The following FCSK variants were observed in gnomAD, a reference collection of about 807,000 sequenced individuals.
FCSK encodes the protein L-fucose kinase.
In FCSK, 123 loss-of-function variants were observed where a neutral mutation model predicts 122.5. The observed-to-expected ratio is 1.00, with a 90% CI of 0.87 to 1.17. FCSK has a LOEUF of 1.17. FCSK is among the 50% of genes most tolerant of loss of function. The pLI, the probability that FCSK is intolerant of heterozygous loss-of-function variation, is 0.00. For synonymous variants in FCSK, 620 were observed against 625.5 expected (o/e 0.99, Z 0.13); for missense variants, 1,366 against 1,450.4 (o/e 0.94, Z 0.95).
Position 70,474,533 on chromosome 16 carries a change from C to A in FCSK, c.1994C>A (p.Ala665Asp), listed in dbSNP as rs1398449593. 6.5e-7 allele frequency: 1 copy of A among 1,547,618 alleles called. No homozygotes were observed. The highest frequency in any genetic ancestry group is 1.4e-5 in the African/African-American group (1 of 73,224). The change falls in exon 17 of 24, where the codon GCC (alanine) becomes GAC (aspartate). Residue 665 changes from alanine to aspartate, a missense_variant. Physicochemically the swap from Ala to Asp is moderately radical, Grantham distance 126 (BLOSUM62 -2). Coordinates refer to ENST00000288078, the MANE Select transcript of FCSK (RefSeq NM_145059.3). ...QERDKWLSRP[A>D]LLVRAARHYE... Reference sequence around the variant, plus strand: ...CCTCCCCCTTCTCTTGGCAGGCCAGCCTTGCTGGTGCGAGCGGCCCGCCAC... The same window carrying A: ...CCTCCCCCTTCTCTTGGCAGGCCAGACTTGCTGGTGCGAGCGGCCCGCCAC...
At position 70,478,370 on chromosome 16, in the gene FCSK, A is replaced by G. The variant is rs2048881788; in HGVS notation, c.2740A>G (p.Thr914Ala). 6.2e-7 allele frequency: 1 copy of G among 1,614,100 alleles called. No homozygotes were observed. Among genetic ancestry groups the G allele is most frequent in the African/African-American group, 1.3e-5 (1 of 74,932 alleles). The stretch of plus-strand genomic sequence containing the variant: ...ACTGAAGGTGGAGGTAGAAGAGGTC[A>G]CGGTGCCTGAGGGCTTTGTCCAGAA... ...LPLKVEVEEV[T>A]VPEGFVQKLN... The change falls in exon 21 of 24, where the codon ACG becomes GCG. Residue 914 changes from threonine (T) to alanine (A), a missense_variant. By Grantham distance (58) the Thr-to-Ala change is moderately conservative. Coordinates refer to ENST00000288078, the MANE Select transcript of FCSK (RefSeq NM_145059.3).
chr16:70,474,120 G>T lies in FCSK; in HGVS notation c.1778-9G>T. 6.5e-7 allele frequency: 1 copy of T among 1,548,734 alleles called. No homozygotes were observed. Among genetic ancestry groups the T allele is most frequent in the East Asian group, 2.4e-5 (1 of 40,936 alleles). On this transcript the variant is annotated splice_polypyrimidine_tract_variant and intron_variant, in intron 15 of 23. Transcript: ENST00000288078. ...CCTCCCCTGCCACCCCCAACTCCTT[G>T]TCCCTCAGTTGCAGCTGGGGCAGGA...
chr16:70,456,691 G>C (rs771948422), intron 1 of FCSK, among the ~76,000 whole-genome samples: 2 of 152,166 alleles, frequency 1.3e-5, no homozygotes, highest in Non-Finnish European at 2.9e-5. Flanking sequence ...GATGTCTTTG[G>C]CCTTAAATTT....
intron 4 of FCSK, 115 bp downstream of exon 4, chr16:70,465,291 A>G: frequency 9.4e-7 from 1 of 1,062,916 alleles, no homozygotes; most frequent in Non-Finnish European, 1.3e-6. Flanking sequence ...AATCTGAAAG[A>G]TTCTAAATGT....
intron 23 of FCSK, 23 bp downstream of exon 23, chr16:70,479,426 TAA>T (rs1453677779): frequency 1.9e-6 from 3 of 1,596,404 alleles, no homozygotes; most frequent in East Asian, 2.2e-5. Context: ...CTGGGGTTGG[TAA>T]AGAGACCTCT....
rs1018603279 is a variant in FCSK, at chr16:70,466,827, G to C, written c.412-55G>C. 10 of 1,499,958 alleles carry C rather than the reference G, an allele frequency of 6.7e-6. No homozygotes were observed. In the African/African-American group the frequency reaches 9.6e-5, roughly 14 times the overall value. 92.9% of individuals were successfully genotyped at this position (1,499,958 alleles called of 1,614,324 possible). A position where few individuals can be genotyped will look rare whatever the true frequency, so the allele number is the denominator to read the frequency against. ...CACAGTATCCTTGGGCAAGGAGGGG[G>C]CAGGTGAAGGCCTGGGCCAGGCACC... On this transcript the variant is annotated intron_variant, in intron 5 of 23. Transcript: ENST00000288078.
chr16:70,465,024 C>A lies in FCSK; in HGVS notation c.235-102C>A, dbSNP rs1346265466. 2.6e-6 allele frequency: 4 copies of A among 1,565,556 alleles called. No homozygotes were observed. In the South Asian group the frequency reaches 4.6e-5, roughly 18 times the overall value. ...GACCTTGCCTTTTGTCCCTTGGGTA[C>A]CTGAGTGGATTTGTGTTGGAGTCTC... is the stretch of plus-strand genomic sequence containing the variant. On this transcript the variant is annotated intron_variant, in intron 3 of 23. Coordinates refer to ENST00000288078, the MANE Select transcript of FCSK (RefSeq NM_145059.3).
chr16:70,474,954 A>G lies in FCSK; in HGVS notation c.2320A>G (p.Lys774Glu), dbSNP rs773733415. 1 of 1,611,608 alleles carries G rather than the reference A, an allele frequency of 6.2e-7. No individual in the cohort carries two copies. The highest frequency in any genetic ancestry group is 8.5e-7 in the Non-Finnish European group (1 of 1,179,308). The change falls in exon 18 of 24, where the codon AAG (lysine) becomes GAG (glutamate). Residue 774 changes from lysine (K) to glutamate (E), a missense_variant. Transcript: ENST00000288078. The part of the protein sequence containing the change: ...VGPRQDEMTV[K>E]IVCRCLADLR... ...GCCTCGGCAGGATGAGATGACTGTG[A>G]AGATAGTGTGCCGGTGCCTGGCTGA...
chr16:70,469,463 C>A, intron 10 of FCSK, 140 bp downstream of exon 10: 1 of 696,342 alleles, frequency 1.4e-6, no homozygotes, highest in Non-Finnish European at 2.3e-6. Context: ...CAGAGCCCCC[C>A]ACTGAGCTAC....
chr16:70,471,243 C>A lies in FCSK; in HGVS notation c.1232C>A (p.Ala411Asp). The A allele has an allele frequency of 6.2e-7, 1 of 1,610,746 alleles. No individual in the cohort carries two copies. The change falls in exon 13 of 24, where the codon GCC becomes GAC. Residue 411 changes from alanine (A) to aspartate (D), a missense_variant. Coordinates refer to ENST00000288078, the MANE Select transcript of FCSK (RefSeq NM_145059.3). Reference protein sequence around the residue: ...VTGLDTAHSKALHGRELRDLV... With the variant: ...VTGLDTAHSKDLHGRELRDLV... ...GGCCTGGATACAGCCCACTCCAAGG[C>A]CCTGCATGGCCGGGAGCTGCGTGAC...
At chr16:70,461,319 G>T (rs1331144296) in intron 1 of FCSK, among the ~76,000 whole-genome samples, 2 of 152,126 alleles carry the variant, frequency 1.3e-5, no homozygotes, top group African/African-American at 4.8e-5. Flanking sequence ...GGAGGAAATG[G>T]GGGTGCTGCT....
At chr16:70,460,504 A>G (rs2048232915) in intron 1 of FCSK, among the ~76,000 whole-genome samples, 1 of 151,750 alleles carries the variant, frequency 6.6e-6, no homozygotes, top group African/African-American at 2.4e-5. Flanking sequence ...TCCTGGGTTC[A>G]AGTGATTATT....
chr16:70,455,229 A>G (rs1404086299), intron 1 of FCSK, among the ~76,000 whole-genome samples: 2 of 152,128 alleles, frequency 1.3e-5, no homozygotes, highest in African/African-American at 2.4e-5. Flanking sequence ...ACTTTATTCT[A>G]TCTCTGGCTC....
chr16:70,460,222 T>C (rs552033686), intron 1 of FCSK, among the ~76,000 whole-genome samples: 12 of 148,964 alleles, frequency 8.1e-5, no homozygotes, highest in Admixed American at 1.3e-4. Flanking sequence ...TGCCATTCTC[T>C]TGCCTCAGCC....
chr16:70,471,244 C>T lies in FCSK; in HGVS notation c.1233C>T (p.Ala411=). ...VTGLDTAHSK[A]LHGRELRDLV... Reference sequence around the variant, plus strand: ...GCCTGGATACAGCCCACTCCAAGGCCCTGCATGGCCGGGAGCTGCGTGACC... The same window carrying T: ...GCCTGGATACAGCCCACTCCAAGGCTCTGCATGGCCGGGAGCTGCGTGACC... Residue 411 remains alanine, a synonymous_variant, in exon 13 of 24, where the codon GCC becomes GCT. Transcript: ENST00000288078. The T allele has an allele frequency of 2.5e-6, 4 of 1,610,812 alleles. No individual in the cohort carries two copies. Among genetic ancestry groups the T allele is most frequent in the Non-Finnish European group, 2.5e-6 (3 of 1,179,254 alleles).
chr16:70,468,090 G>A (rs1021020506), intron 8 of FCSK, 124 bp downstream of exon 8: 11 of 754,714 alleles, frequency 1.5e-5, no homozygotes, highest in Admixed American at 1.1e-4. Flanking sequence ...TCTGAGGACA[G>A]GGTAGCCTTG....
At chr16:70,474,446 G>A (rs17883309) in intron 16 of FCSK, 82 bp from the exon 17 acceptor site, 37 of 1,545,200 alleles carry the variant, frequency 2.4e-5, no homozygotes, top group Middle Eastern at 1.8e-4. Flanking sequence ...TGGGTACCCC[G>A]GGACAGTCAG....
In FCSK at chr16:70,468,957, C is replaced by T. The variant is rs574933156; in HGVS notation, c.772C>T (p.Arg258Trp). Residue 258 changes from arginine to tryptophan, a missense_variant, in exon 9 of 24, where the codon CGG becomes TGG. Coordinates refer to ENST00000288078, the MANE Select transcript of FCSK (RefSeq NM_145059.3). ...CTACCTAGGCTTGGACTCCGGAGCC[C>T]GGCCTGTCCAGGTGACTGGGGGAGG... ...CTYLGLDSGA[R>W]PVQLSLFFDI... 6.8e-6 allele frequency: 11 copies of T among 1,613,340 alleles called. No homozygotes were observed. Among genetic ancestry groups the T allele is most frequent in the Middle Eastern group, 1.7e-4 (1 of 6,058 alleles).
chr16:70,475,614 G>A, intron 19 of FCSK, 34 bp from the exon 20 acceptor site: 1 of 1,574,190 alleles, frequency 6.4e-7, no homozygotes, highest in Non-Finnish European at 8.7e-7. Flanking sequence ...GGGTGGAGGT[G>A]TTTCATGTCT....
Sources: gnomAD v4.1 joint callset for allele counts (sites outside exome capture counted in the v4.1 genomes callset) on GRCh38, gnomAD v4.1.1 for gene constraint, MANE v1.5 for transcripts, NCBI Gene and HGNC (gene_info 2026-07-23, HGNC 2026-07-21) for gene names.